PCYOX1L: variants seen among roughly 807,000 people sequenced by gnomAD.
PCYOX1L encodes the protein prenylcysteine oxidase 1-like.
In PCYOX1L, 40 loss-of-function variants were observed where a neutral mutation model predicts 44.1. The observed-to-expected ratio is 0.91, with a 90% confidence interval of 0.70 to 1.18. PCYOX1L has a LOEUF of 1.18. Ranked by LOEUF, PCYOX1L falls within the 50% of genes most tolerant of loss-of-function variation. The pLI, the probability that PCYOX1L is intolerant of heterozygous loss-of-function variation, is 0.00. For missense variants in PCYOX1L, 605 were observed against 653.3 expected, an observed-to-expected ratio of 0.93 and a Z score of 0.81; for synonymous variants, 266 against 282.8, an observed-to-expected ratio of 0.94 and a Z score of 0.60.
At position 149,368,573 on chromosome 5, in the gene PCYOX1L, G is replaced by A. The variant is rs758221391; in HGVS notation, c.1404G>A (p.Leu468=). Residue 468 remains leucine (L), a synonymous_variant, in exon 6 of 6, where the codon TTG becomes TTA. Coordinates refer to ENST00000274569, the MANE Select transcript of PCYOX1L (RefSeq NM_024028.4). ...VMAVAAKNVA[L]LAYNRWYQDL... is the part of the protein sequence containing the mutation. ...CCGTGGCTGCCAAGAATGTGGCCTT[G>A]CTGGCTTACAACCGCTGGTACCAGG... The A allele has an allele frequency of 6.3e-7, 1 of 1,586,576 alleles. No homozygotes were observed. The highest frequency in any genetic ancestry group is 1.2e-5 in the South Asian group (1 of 85,552).
intron 3 of PCYOX1L, 132 bp downstream of exon 3, chr5:149,364,342 G>T (rs1026391544): frequency 6.3e-6 from 7 of 1,116,218 alleles, no homozygotes; most frequent in Non-Finnish European, 8.8e-6. Flanking sequence ...TTCAGTGCAG[G>T]CTCAGAGCAA....
At chr5:149,362,477 C>G in intron 1 of PCYOX1L, 160 bp from the exon 2 acceptor site, 1 of 709,040 alleles carries the variant, frequency 1.4e-6, no homozygotes. Flanking sequence ...AATAGCTCTA[C>G]TGACAACTCA....
chr5:149,362,588 C>T (rs770052293), intron 1 of PCYOX1L, 49 bp from the exon 2 acceptor site: 2 of 1,597,870 alleles, frequency 1.3e-6, no homozygotes, highest in South Asian at 1.1e-5. Context: ...CAGCCTCTCA[C>T]TCTCATGTTC....
Position 149,368,721 on chromosome 5 carries a change from G to C in PCYOX1L, c.*67G>C. The C allele has an allele frequency of 6.9e-7, 1 of 1,441,978 alleles. No individual in the cohort carries two copies. The highest frequency in any genetic ancestry group is 1.5e-5 in the South Asian group (1 of 68,690). The allele number at this position is 1,441,978 out of a possible 1,614,324, so 89.3% of individuals were successfully genotyped here. A position where few individuals can be genotyped will look rare whatever the true frequency, so the allele number is the denominator to read the frequency against. ...GATGGATCATCCCACAGCAGCCCAG[G>C]ACTGAATAAGCCATGCTCGCCCACC... On this transcript the variant is annotated 3_prime_UTR_variant, in exon 6 of 6. Coordinates refer to ENST00000274569, the MANE Select transcript of PCYOX1L (RefSeq NM_024028.4).
Position 149,358,113 on chromosome 5 carries a change from C to G in PCYOX1L, c.45C>G (p.Leu15=), listed in dbSNP as rs952159397. Residue 15 remains leucine (L), a synonymous_variant, in exon 1 of 6, where the codon CTC becomes CTG. Transcript: ENST00000274569. ...APLLAALTAL[L]AAAAAGGDAP... ...TGCTCGCCGCGTTGACCGCGCTCCT[C>G]GCCGCCGCCGCTGCTGGCGGAGATG... 2.1e-6 allele frequency: 3 copies of G among 1,444,570 alleles called. No homozygotes were observed. The Admixed American group carries it at 7.4e-5, about 36-fold the overall frequency. The allele number at this position is 1,444,570 out of a possible 1,614,324, so 89.5% of individuals were successfully genotyped here.
chr5:149,360,460 C>T (rs999731984), intron 1 of PCYOX1L, among the ~76,000 whole-genome samples: 2 of 152,184 alleles, frequency 1.3e-5, no homozygotes, highest in African/African-American at 4.8e-5. Context: ...TTTGTAAGTA[C>T]TGTGAGAGGA....
chr5:149,359,914 C>A (rs372158477), intron 1 of PCYOX1L, among the ~76,000 whole-genome samples: 38 of 152,326 alleles, frequency 2.5e-4, no homozygotes, highest in African/African-American at 7.5e-4. Flanking sequence ...ATCTGAGAAC[C>A]CCCAAGTGGC....
At position 149,366,170 on chromosome 5, in the gene PCYOX1L, T is replaced by TG; in HGVS notation, c.682+19dup. 1 of 1,605,376 alleles carries TG rather than the reference T, an allele frequency of 6.2e-7. No homozygotes were observed. Among genetic ancestry groups the TG allele is most frequent in the Non-Finnish European group, 8.5e-7 (1 of 1,178,618 alleles). On this transcript the variant is annotated intron_variant, in intron 4 of 5. Coordinates refer to ENST00000274569, the MANE Select transcript of PCYOX1L (RefSeq NM_024028.4). ...CCTTTGCAGGTAAGCGTCCAACCCTTGGCCTGCCCACCTGCCCCTCCTCCA... is the reference window on the plus strand; with the variant it reads ...CCTTTGCAGGTAAGCGTCCAACCCTTGGGCCTGCCCACCTGCCCCTCCTCCA...
intron 1 of PCYOX1L, 72 bp from the exon 2 acceptor site, chr5:149,362,565 A>T: frequency 6.6e-7 from 1 of 1,522,568 alleles, no homozygotes; most frequent in Non-Finnish European, 9.1e-7. Flanking sequence ...AGGAGGATAC[A>T]AAGTGTGAAC....
At position 149,358,058 on chromosome 5, in the gene PCYOX1L, C is replaced by A; in HGVS notation, c.-11C>A. ...GCCTGAATCCGGCGTGCTGCCCGCT[C>A]GCCGCCCGCCATGGCCCGCGCAGCC... is the stretch of plus-strand genomic sequence containing the variant. On this transcript the variant is annotated 5_prime_UTR_variant, in exon 1 of 6. Transcript: ENST00000274569. The A allele has an allele frequency of 7.5e-7, 1 of 1,331,916 alleles. No homozygotes were observed. Among genetic ancestry groups the A allele is most frequent in the Non-Finnish European group, 9.6e-7 (1 of 1,046,642 alleles). The allele number at this position is 1,331,916 out of a possible 1,614,324, so 82.5% of individuals were successfully genotyped here.
chr5:149,368,394 AC>A lies in PCYOX1L; in HGVS notation c.1228del (p.Leu410CysfsTer49), dbSNP rs756708233. ...GCCCCTCTTTCGGACCCAGCTAAAG[AC>A]CCTGTTCCGTTCCTATTACTCAGTG... is the stretch of plus-strand genomic sequence containing the variant. ...PKPLFRTQLKTLFRSYYSVQT... is the reference protein window; with the variant it reads ...PKPLFRTQLKXLFRSYYSVQT... On this transcript the variant is annotated frameshift_variant, in exon 6 of 6. Coordinates refer to ENST00000274569, the MANE Select transcript of PCYOX1L (RefSeq NM_024028.4). LOFTEE classifies it high-confidence loss of function. 1 of 1,613,952 alleles carries A rather than the reference AC, an allele frequency of 6.2e-7. No homozygotes were observed. Among genetic ancestry groups the A allele is most frequent in the Admixed American group, 1.7e-5 (1 of 59,998 alleles).
chr5:149,361,270 A>G (rs1758002558), intron 1 of PCYOX1L, among the ~76,000 whole-genome samples: 1 of 152,128 alleles, frequency 6.6e-6, no homozygotes, highest in South Asian at 2.1e-4. Context: ...GCATGGTGGC[A>G]TGTGCCTGTA....
At position 149,368,297 on chromosome 5, in the gene PCYOX1L, T is replaced by G; in HGVS notation, c.1128T>G (p.Pro376=). 1 of 1,614,194 alleles carries G rather than the reference T, an allele frequency of 6.2e-7. No homozygotes were observed. The highest frequency in any genetic ancestry group is 8.5e-7 in the Non-Finnish European group (1 of 1,180,034). Residue 376 remains proline (P), a synonymous_variant, in exon 6 of 6, where the codon CCT becomes CCG. Coordinates refer to ENST00000274569, the MANE Select transcript of PCYOX1L (RefSeq NM_024028.4). Reference sequence around the variant, plus strand: ...TCTGCACTCTGGACAACATCTGCCCTGTCAACATCTCTGCCAGCTTCCGGC... The same window carrying G: ...TCTGCACTCTGGACAACATCTGCCCGGTCAACATCTCTGCCAGCTTCCGGC... The part of the protein sequence containing the change: ...SFFCTLDNIC[P]VNISASFRRK...
chr5:149,363,972 C>A, intron 2 of PCYOX1L, 64 bp from the exon 3 acceptor site: 4 of 1,571,308 alleles, frequency 2.5e-6, no homozygotes, highest in Non-Finnish European at 3.5e-6. Flanking sequence ...TGGACCAGTC[C>A]ATTTGCATCA....
intron 4 of PCYOX1L, among the ~76,000 whole-genome samples, chr5:149,366,388 A>G (rs1001407439): frequency 6.6e-6 from 1 of 152,226 alleles, no homozygotes; most frequent in Non-Finnish European, 1.5e-5. Context: ...GTGTGTTTCT[A>G]CCACTCCCAA....
chr5:149,365,663 A>G (rs1376869945), intron 3 of PCYOX1L: 5 of 492,506 alleles, frequency 1.0e-5, no homozygotes, highest in Non-Finnish European at 1.8e-5. Flanking sequence ...GACCTCAGGC[A>G]GGGAGTGGCT....
At chr5:149,365,642 T>G in intron 3 of PCYOX1L, 1 of 431,054 alleles carries the variant, frequency 2.3e-6, no homozygotes, top group Non-Finnish European at 4.3e-6. Context: ...GAAGAAAGGG[T>G]TATGAACTAT....
intron 2 of PCYOX1L, 71 bp downstream of exon 2, chr5:149,362,914 A>G: frequency 4.6e-6 from 7 of 1,523,478 alleles, no homozygotes; most frequent in Non-Finnish European, 6.3e-6. Context: ...CCCTTCTCAG[A>G]CTTCCCAGAC....
rs2127614790 is a variant in PCYOX1L at position 149,368,276 on chromosome 5, C to T, written c.1107C>T (p.Cys369=). ...CCACAGATTTCCCCAGCTTCTTCTGCACTCTGGACAACATCTGCCCTGTCA... is the reference window on the plus strand; with the variant it reads ...CCACAGATTTCCCCAGCTTCTTCTGTACTCTGGACAACATCTGCCCTGTCA... ...ILTTDFPSFF[C]TLDNICPVNI... The change falls in exon 6 of 6, where the codon TGC becomes TGT. Residue 369 remains cysteine (C), a synonymous_variant. Transcript: ENST00000274569. 6.8e-6 allele frequency: 11 copies of T among 1,614,216 alleles called. No individual in the cohort carries two copies. Among genetic ancestry groups the T allele is most frequent in the Non-Finnish European group, 9.3e-6 (11 of 1,180,044 alleles).
Sources: gnomAD v4.1 joint callset for allele counts (sites outside exome capture counted in the v4.1 genomes callset) on GRCh38, gnomAD v4.1.1 for gene constraint, MANE v1.5 for transcripts, NCBI Gene and HGNC (gene_info 2026-07-23, HGNC 2026-07-21) for gene names.